Variants in FHIT observed in about 807,000 individuals in gnomAD.
FHIT encodes the protein bis(5'-adenosyl)-triphosphatase.
In FHIT, 19 loss-of-function variants were observed where a neutral mutation model predicts 17.9. The observed-to-expected ratio is 1.06, with a 90% CI of 0.74 to 1.56. The LOEUF is 1.56. Ranked by LOEUF, FHIT falls within the 40% of genes most tolerant of loss-of-function variation. FHIT has a pLI of 0.00. For synonymous variants in FHIT, 81 were observed against 69.7 expected, an observed-to-expected ratio of 1.16 and a Z score of -0.81; for missense variants, 248 against 189.2, an observed-to-expected ratio of 1.31 and a Z score of -1.82.
At chr3:60,052,041 C>A (rs1701900936) in intron 5 of FHIT, among the ~76,000 whole-genome samples, 1 of 152,044 alleles carries the variant, frequency 6.6e-6, no homozygotes, top group Admixed American at 6.6e-5. Flanking sequence ...TTGTTTGTGG[C>A]CATTAATGGG....
intron 3 of FHIT, among the ~76,000 whole-genome samples, chr3:60,945,194 G>T (rs182064552): frequency 6.6e-6 from 1 of 152,030 alleles, no homozygotes; most frequent in African/African-American, 2.4e-5. Flanking sequence ...CAAATATCTC[G>T]GGGAGAAGAT....
intron 7 of FHIT, among the ~76,000 whole-genome samples, chr3:59,937,164 G>A (rs1335458591): frequency 1.3e-5 from 2 of 152,148 alleles, no homozygotes; most frequent in Non-Finnish European, 2.9e-5. Context: ...CACTTTAAAA[G>A]GTTAATCTAT....
rs145687599 is a variant in FHIT, at chr3:59,951,191, C to T, written c.280-28777G>A. 7.3e-3 allele frequency among the ~76,000 whole-genome samples: 1,110 copies of T among 152,276 alleles called. 6 individuals carry two copies. The highest frequency in any genetic ancestry group is 0.012 in the Non-Finnish European group (841 of 68,016). ...TAGCATCAGGTCACAAACTTAACCC[C>T]GTATTATCCTGGAAGAGCTAATGTG... is the stretch of plus-strand genomic sequence containing the variant. On this transcript the variant is annotated intron_variant, in intron 7 of 9. Coordinates refer to ENST00000492590, the MANE Select transcript of FHIT (RefSeq NM_002012.4).
chr3:60,675,080 G>C (rs1553694908), intron 4 of FHIT, among the ~76,000 whole-genome samples: 1 of 152,198 alleles, frequency 6.6e-6, no homozygotes, highest in Non-Finnish European at 1.5e-5. Flanking sequence ...TGAATGCAAG[G>C]CTTGCCTCAG....
chr3:59,949,432 A>G (rs1707001096), intron 7 of FHIT, among the ~76,000 whole-genome samples: 1 of 152,218 alleles, frequency 6.6e-6, no homozygotes, highest in Non-Finnish European at 1.5e-5. Flanking sequence ...ATGTCCACCA[A>G]GTGACTGAAT....
At chr3:61,030,428 G>A (rs2032955763) in intron 3 of FHIT, among the ~76,000 whole-genome samples, 1 of 152,214 alleles carries the variant, frequency 6.6e-6, no homozygotes, top group Non-Finnish European at 1.5e-5. Flanking sequence ...TAACATTTCA[G>A]TTAGTTAAAA....
intron 5 of FHIT, among the ~76,000 whole-genome samples, chr3:60,479,159 T>A (rs536394718): frequency 1.4e-4 from 22 of 152,210 alleles, no homozygotes; most frequent in Non-Finnish European, 2.9e-4. Context: ...ATCACATTAT[T>A]GATTCTCAAA....
intron 5 of FHIT, among the ~76,000 whole-genome samples, chr3:60,411,211 T>A (rs1170967262): frequency 6.6e-6 from 1 of 152,192 alleles, no homozygotes; most frequent in Admixed American, 6.5e-5. Context: ...AATCTTGAAC[T>A]AGTTCTTAAA....
chr3:60,150,032 G>A (rs992814199), intron 5 of FHIT, among the ~76,000 whole-genome samples: 6 of 72,424 alleles, frequency 8.3e-5, no homozygotes, highest in Non-Finnish European at 4.9e-5. Flanking sequence ...TTTGCTACTT[G>A]TTGCCCAGGC....
intron 5 of FHIT, among the ~76,000 whole-genome samples, chr3:60,474,885 A>G (rs1425621746): frequency 1.3e-5 from 2 of 152,118 alleles, no homozygotes; most frequent in African/African-American, 4.8e-5. Context: ...AGCCTCTCAG[A>G]GTGCTGGGAT....
intron 5 of FHIT, among the ~76,000 whole-genome samples, chr3:60,145,697 A>C (rs529028302): frequency 3.9e-5 from 6 of 152,294 alleles, no homozygotes; most frequent in South Asian, 4.2e-4. Context: ...CCTTACAATG[A>C]GCAGCTTCTT....
At position 60,497,728 on chromosome 3, in the gene FHIT, T is replaced by C. The variant is rs538921756; in HGVS notation, c.103+39132A>G. 2.0e-5 allele frequency among the ~76,000 whole-genome samples: 3 copies of C among 152,302 alleles called. No homozygotes were observed. The South Asian group carries it at 6.2e-4, about 32-fold the overall frequency. ...CTAATTCCGTCCTTTCCTGGTTATA[T>C]AGCAGATCATAATAATTCCAGGCAA... On this transcript the variant is annotated intron_variant, in intron 5 of 9. Coordinates refer to ENST00000492590, the MANE Select transcript of FHIT (RefSeq NM_002012.4).
intron 3 of FHIT, among the ~76,000 whole-genome samples, chr3:60,833,342 A>C (rs2250114): frequency 1.3e-5 from 2 of 152,068 alleles, no homozygotes; most frequent in Non-Finnish European, 2.9e-5. Flanking sequence ...CTGGGGACTG[A>C]TTAGCAGTTA....
chr3:60,414,569 A>C (rs975060873), intron 5 of FHIT, among the ~76,000 whole-genome samples: 1 of 152,222 alleles, frequency 6.6e-6, no homozygotes, highest in Admixed American at 6.5e-5. Flanking sequence ...AAGCAAATTT[A>C]TCAAGGAATA....
intron 1 of FHIT, among the ~76,000 whole-genome samples, chr3:61,221,128 T>C (rs1177500544): frequency 1.3e-5 from 2 of 152,144 alleles, no homozygotes; most frequent in East Asian, 1.9e-4. Context: ...CCTGGCTGGG[T>C]TGGTGCCCAG....
intron 5 of FHIT, 37 bp from the exon 6 acceptor site, chr3:60,014,189 T>C (rs1478417234): frequency 2.5e-6 from 4 of 1,610,132 alleles, no homozygotes; most frequent in Admixed American, 3.3e-5. Flanking sequence ...GCTGCTGGCT[T>C]TGGGTAGTGT....
chr3:60,761,363 A>G (rs1250844178), intron 4 of FHIT, among the ~76,000 whole-genome samples: 1 of 152,224 alleles, frequency 6.6e-6, no homozygotes, highest in African/African-American at 2.4e-5. Flanking sequence ...AGAGCAACAG[A>G]TAAAAAATTA....
chr3:60,027,134 C>CAAA (rs1311478100), intron 5 of FHIT, among the ~76,000 whole-genome samples: 53 of 119,784 alleles, frequency 4.4e-4, no homozygotes, highest in East Asian at 2.1e-3. Context: ...CACACACACA[C>CAAA]ACACACACAC....
At chr3:60,597,036 T>C (rs1313802669) in intron 4 of FHIT, among the ~76,000 whole-genome samples, 1 of 152,190 alleles carries the variant, frequency 6.6e-6, no homozygotes, top group African/African-American at 2.4e-5. Context: ...CAAATTATTT[T>C]ACACAGCACC....
Sources: allele counts gnomAD v4.1 joint callset (sites outside exome capture counted in the v4.1 genomes callset), GRCh38; gene constraint gnomAD v4.1.1; transcripts MANE v1.5; gene names NCBI Gene and HGNC (gene_info 2026-07-23, HGNC 2026-07-21).